SRGAP2C: variants seen among roughly 807,000 people sequenced by gnomAD.
SRGAP2C encodes the protein SLIT-ROBO Rho GTPase-activating protein 2C.
A neutral mutation model predicts 25.1 loss-of-function variants in SRGAP2C; 15 were observed. The ratio of observed to expected loss-of-function variants is 0.60; its 90% CI spans 0.40 to 0.92. The LOEUF is 0.92. SRGAP2C is among the 40% of genes least tolerant of loss of function. The pLI is 0.00. For missense variants in SRGAP2C, 144 were observed against 264.4 expected, an observed-to-expected ratio of 0.54 and a Z score of 3.16; for synonymous variants, 44 against 96.6, an observed-to-expected ratio of 0.46 and a Z score of 3.19.
intron 2 of SRGAP2C, among the ~76,000 whole-genome samples, chr1:121,279,596 A>C (rs1252222041): frequency 6.6e-6 from 1 of 151,130 alleles, no homozygotes; most frequent in Non-Finnish European, 1.5e-5. Context: ...CATCTTTCTA[A>C]AAAGGAAATA....
chr1:121,372,741 A>G (rs1553351485), intron 5 of SRGAP2C, among the ~76,000 whole-genome samples: 1 of 68,704 alleles, frequency 1.5e-5, no homozygotes, highest in Non-Finnish European at 2.7e-5. Flanking sequence ...AGAAATAGAA[A>G]TAATAACAGT....
At chr1:121,260,321 G>A (rs587664144) in intron 2 of SRGAP2C, among the ~76,000 whole-genome samples, 9 of 151,998 alleles carry the variant, frequency 5.9e-5, no homozygotes, top group Admixed American at 5.9e-4. Context: ...CAGTTTAAAG[G>A]CCTTAAGGTG....
chr1:121,351,579 C>T (rs1400230334), intron 4 of SRGAP2C, among the ~76,000 whole-genome samples: 1 of 140,936 alleles, frequency 7.1e-6, no homozygotes, highest in Non-Finnish European at 1.5e-5. Context: ...CACTGCACTC[C>T]AGCCTGGGCG....
chr1:121,305,891 C>T (rs1207455731), intron 3 of SRGAP2C, among the ~76,000 whole-genome samples: 177 of 151,108 alleles, frequency 1.2e-3, no homozygotes, highest in Non-Finnish European at 2.1e-3. Context: ...ATATTCCTCA[C>T]TTAGCAAAGG....
At chr1:121,253,951 C>T (rs1553331903) in intron 2 of SRGAP2C, among the ~76,000 whole-genome samples, 1 of 151,818 alleles carries the variant, frequency 6.6e-6, no homozygotes, top group Non-Finnish European at 1.5e-5. Flanking sequence ...CTCACTCCGT[C>T]ACCCAGGCTG....
intron 5 of SRGAP2C, among the ~76,000 whole-genome samples, chr1:121,366,222 A>T (rs587681928): frequency 6.2e-4 from 92 of 148,158 alleles, no homozygotes; most frequent in African/African-American, 2.1e-3. Flanking sequence ...ATCCTGTTTG[A>T]AGGTGATACT....
At chr1:121,310,743 G>A (rs1241946913) in intron 3 of SRGAP2C, among the ~76,000 whole-genome samples, 12 of 87,108 alleles carry the variant, frequency 1.4e-4, no homozygotes, top group African/African-American at 4.4e-4. Context: ...GTAGGTATGC[G>A]GCGTTATTTC....
intron 2 of SRGAP2C, among the ~76,000 whole-genome samples, chr1:121,212,419 C>T (rs1655287915): frequency 6.6e-6 from 1 of 152,112 alleles, no homozygotes; most frequent in African/African-American, 2.4e-5. Flanking sequence ...GGTGAGCCAC[C>T]ATACCCAGCC....
intron 3 of SRGAP2C, among the ~76,000 whole-genome samples, chr1:121,302,366 A>T (rs1657721495): frequency 6.6e-6 from 1 of 152,176 alleles, no homozygotes; most frequent in Non-Finnish European, 1.5e-5. Flanking sequence ...CAGGAATAGC[A>T]CAAAGAATTT....
intron 2 of SRGAP2C, among the ~76,000 whole-genome samples, chr1:121,275,726 C>A (rs1487570303): frequency 3.3e-5 from 5 of 149,488 alleles, no homozygotes; most frequent in Admixed American, 1.3e-4. Context: ...GATGACTGAA[C>A]GTCTTTTGGA....
intron 4 of SRGAP2C, among the ~76,000 whole-genome samples, chr1:121,332,514 G>GGAAT (rs1172509094): frequency 2.6e-5 from 4 of 152,006 alleles, no homozygotes; most frequent in Non-Finnish European, 4.4e-5. Flanking sequence ...TGCTGAGGAA[G>GGAAT]GAATGTAAGA....
intron 2 of SRGAP2C, among the ~76,000 whole-genome samples, chr1:121,200,068 AG>A (rs1288614664): frequency 6.6e-6 from 1 of 150,574 alleles, no homozygotes; most frequent in East Asian, 2.0e-4. Context: ...AGAAAAATCG[AG>A]GGGAGAGAGA....
At chr1:121,363,915 T>A (rs1192183907) in intron 4 of SRGAP2C, among the ~76,000 whole-genome samples, 1 of 152,024 alleles carries the variant, frequency 6.6e-6, no homozygotes, top group African/African-American at 2.4e-5. Context: ...TTTGTTTTCT[T>A]TTTTGAGGTT....
chr1:121,213,019 G>T (rs1386686594), intron 2 of SRGAP2C, among the ~76,000 whole-genome samples: 26 of 141,108 alleles, frequency 1.8e-4, no homozygotes, highest in Non-Finnish European at 2.5e-4. Context: ...TTGAACTCTT[G>T]GCCTCTCTGA....
At chr1:121,264,588 G>T (rs1361828385) in intron 2 of SRGAP2C, among the ~76,000 whole-genome samples, 1 of 144,048 alleles carries the variant, frequency 6.9e-6, no homozygotes, top group Admixed American at 7.1e-5. Context: ...CTTCTTTTCT[G>T]TTGCCTCTGG....
At chr1:121,216,933 G>T (rs1307665207) in intron 2 of SRGAP2C, among the ~76,000 whole-genome samples, 1 of 145,080 alleles carries the variant, frequency 6.9e-6, no homozygotes, top group Non-Finnish European at 1.5e-5. Context: ...TCCTGGAAGG[G>T]CTGTATCCCA....
intron 1 of SRGAP2C, among the ~76,000 whole-genome samples, 199 bp from the exon 2 acceptor site, chr1:121,186,706 G>A (rs1654511357): frequency 1.4e-5 from 2 of 144,348 alleles, no homozygotes; most frequent in Admixed American, 1.4e-4. Flanking sequence ...GCTCCAAAGT[G>A]TTTTCTTTCA....
Position 121,201,805 on chromosome 1 carries a change from A to T in SRGAP2C, c.67+14292A>T, listed in dbSNP as rs587721737. Among the ~76,000 whole-genome samples the T allele has an allele frequency of 2.6e-5, 4 of 152,310 alleles. No homozygotes were observed. The East Asian group carries it at 7.7e-4, about 29-fold the overall frequency. ...TAAGAATTTGAAAAATTATCCGATA[A>T]CGTTAGGAGCAGCAAAGCAACTGCG... On this transcript the variant is annotated intron_variant, in intron 2 of 9. Transcript: ENST00000367123.
intron 7 of SRGAP2C, among the ~76,000 whole-genome samples, 180 bp downstream of exon 7, chr1:121,375,134 A>G (rs1257149556): frequency 6.6e-6 from 1 of 150,950 alleles, no homozygotes; most frequent in African/African-American, 2.4e-5. Flanking sequence ...CACTTATTCA[A>G]TCCTAACTGG....
Sources: allele counts gnomAD v4.1 joint callset (sites outside exome capture counted in the v4.1 genomes callset), GRCh38; gene constraint gnomAD v4.1.1; transcripts MANE v1.5; gene names NCBI Gene and HGNC (gene_info 2026-07-23, HGNC 2026-07-21).